Variants in TMX3 observed in about 807,000 individuals in gnomAD.
The protein encoded by TMX3 is thioredoxin related transmembrane protein 3, also known as protein disulfide-isomerase TMX3.
Under a neutral mutation model 64.4 loss-of-function variants are expected in TMX3, and 40 were observed. The observed-to-expected ratio is 0.62, with a 90% CI of 0.48 to 0.81. The LOEUF is 0.81. Among genes scored for constraint, TMX3 ranks in the 30% least tolerant of loss-of-function variants. TMX3 has a pLI of 0.00. For missense variants in TMX3, 497 were observed against 534.5 expected, an observed-to-expected ratio of 0.93 and a Z score of 0.69; for synonymous variants, 189 against 175.7, an observed-to-expected ratio of 1.08 and a Z score of -0.60.
intron 1 of TMX3, 62 bp from the exon 2 acceptor site, chr18:68,713,962 C>A: frequency 8.3e-7 from 1 of 1,203,986 alleles, no homozygotes. Context: ...ACCGTATAAG[C>A]TTAGTCATCT....
intron 10 of TMX3, chr18:68,687,317 G>C: frequency 9.1e-6 from 9 of 985,318 alleles, no homozygotes; most frequent in Non-Finnish European, 1.1e-5. Flanking sequence ...GTAAAAGCAG[G>C]CCTTATAAAT....
Position 68,673,805 on chromosome 18 carries a change from A to G in TMX3, c.*3128T>C, listed in dbSNP as rs1912712041. On this transcript the variant is annotated 3_prime_UTR_variant, in exon 16 of 16. Transcript: ENST00000299608. ...AGACTTTCAAAAACCTCTATAGATT[A>G]GTCCAAAGTAGAAAATTATTTTTTG... is the stretch of plus-strand genomic sequence containing the variant. 1 of 152,190 alleles carries G rather than the reference A, an allele frequency of 6.6e-6. No individual in the cohort carries two copies. The highest frequency in any genetic ancestry group is 2.1e-4 in the South Asian group (1 of 4,830). The allele number at this position is 152,190 out of a possible 1,614,324, so 9.4% of individuals were successfully genotyped here.
intron 2 of TMX3, among the ~76,000 whole-genome samples, chr18:68,712,818 C>T (rs79018663): frequency 6.6e-6 from 1 of 152,016 alleles, no homozygotes; most frequent in African/African-American, 2.4e-5. Flanking sequence ...GCATGAGCAG[C>T]GAAGTGCCCC....
intron 10 of TMX3, chr18:68,687,269 A>G (rs1914057086): frequency 3.0e-6 from 3 of 985,324 alleles, no homozygotes; most frequent in Non-Finnish European, 3.6e-6. Context: ...AACTTGAAGA[A>G]ACCATGCCAA....
At chr18:68,686,833 C>CATTAA in intron 10 of TMX3, 2 of 985,180 alleles carry the variant, frequency 2.0e-6, no homozygotes, top group Non-Finnish European at 2.4e-6. Context: ...AGACACAGAA[C>CATTAA]ATTAAAAGCA....
intron 8 of TMX3, 91 bp from the exon 9 acceptor site, chr18:68,691,452 TCAAA>T: frequency 2.7e-6 from 2 of 744,048 alleles, no homozygotes; most frequent in East Asian, 5.8e-5. Context: ...ACCAGAAAAC[TCAAA>T]CACACATAAA....
At chr18:68,684,340 GA>G in intron 11 of TMX3, 87 bp downstream of exon 11, 1 of 1,499,150 alleles carries the variant, frequency 6.7e-7, no homozygotes. Flanking sequence ...ATTGCTGCAG[GA>G]AAAGTAAGAT....
intron 2 of TMX3, among the ~76,000 whole-genome samples, 181 bp from the exon 3 acceptor site, chr18:68,711,584 G>T (rs947754013): frequency 3.9e-5 from 6 of 151,998 alleles, no homozygotes; most frequent in Admixed American, 3.3e-4. Flanking sequence ...TAAAAGCAGA[G>T]GACTGATCAA....
Position 68,710,081 on chromosome 18 carries a change from C to G in TMX3, c.205G>C (p.Glu69Gln). ...ACTGGAGAACCAATGCTTTTCATCT[C>G]AAGACCAACTTCATTCCAAATTGGT... ...LEPIWNEVGL[E>Q]MKSIGSPVKV... The change falls in exon 4 of 16, where the codon GAG (glutamate) becomes CAG (glutamine). Residue 69 changes from glutamate to glutamine, a missense_variant. Physicochemically the swap from Glu to Gln is conservative, Grantham distance 29. This residue lies in a region of TMX3 where 360 missense variants were observed against 383.5 expected (regional missense o/e 0.94). Coordinates refer to ENST00000299608, the MANE Select transcript of TMX3 (RefSeq NM_019022.5). The G allele has an allele frequency of 1.2e-6, 2 of 1,605,074 alleles. No individual in the cohort carries two copies. The highest frequency in any genetic ancestry group is 1.7e-6 in the Non-Finnish European group (2 of 1,175,986).
chr18:68,714,562 C>T (rs958410652), intron 1 of TMX3: 3 of 316,840 alleles, frequency 9.5e-6, no homozygotes, highest in African/African-American at 4.5e-5. Context: ...AATCCTTAAA[C>T]GTGACAAGAC....
chr18:68,691,452 T>C (rs1914515565), intron 8 of TMX3, 91 bp from the exon 9 acceptor site: 1 of 743,930 alleles, frequency 1.3e-6, no homozygotes. Flanking sequence ...ACCAGAAAAC[T>C]CAAACACACA....
chr18:68,689,509 G>A (rs553819034), intron 9 of TMX3, among the ~76,000 whole-genome samples: 19 of 131,932 alleles, frequency 1.4e-4, no homozygotes, highest in African/African-American at 6.5e-4. Context: ...TTATTTTATC[G>A]TGGAAAAAAA....
chr18:68,715,108 T>G lies in TMX3; in HGVS notation c.-127A>C, dbSNP rs554101218. The G allele has an allele frequency of 1.3e-6, 2 of 1,502,756 alleles. No homozygotes were observed. The highest frequency in any genetic ancestry group is 2.8e-5 in the African/African-American group (2 of 70,426). The allele number at this position is 1,502,756 out of a possible 1,614,324, so 93.1% of individuals were successfully genotyped here. A position where few individuals can be genotyped will look rare whatever the true frequency, so the allele number is the denominator to read the frequency against. On this transcript the variant is annotated 5_prime_UTR_variant, in exon 1 of 16. Transcript: ENST00000299608. ...AGCGGAAGAGAAGCACCGCGCTAAC[T>G]ACGGGGGCGGGGCTACCCGGCCAGT...
chr18:68,699,021 CA>C (rs986705714), intron 6 of TMX3, among the ~76,000 whole-genome samples: 48 of 91,942 alleles, frequency 5.2e-4, no homozygotes, highest in Non-Finnish European at 5.4e-4. Flanking sequence ...GACTCCGCCT[CA>C]AAAAAAAAAA....
chr18:68,711,202 T>C (rs1599347967), intron 3 of TMX3, among the ~76,000 whole-genome samples, 162 bp downstream of exon 3: 1 of 152,170 alleles, frequency 6.6e-6, no homozygotes, highest in Non-Finnish European at 1.5e-5. Context: ...ACTCTAAGGT[T>C]CTTTTTAATG....
chr18:68,688,412 T>G, intron 9 of TMX3: 1 of 152,322 alleles, frequency 6.6e-6, no homozygotes, highest in South Asian at 2.1e-4. Context: ...GCTAAGCAGA[T>G]AGAAAATATA....
intron 7 of TMX3, 189 bp downstream of exon 7, chr18:68,697,741 TTC>T: frequency 1.9e-6 from 1 of 526,302 alleles, no homozygotes; most frequent in Non-Finnish European, 3.3e-6. Context: ...TTTTACACAC[TTC>T]TGTTTCATAT....
At chr18:68,681,425 CTT>C in intron 13 of TMX3, 1 of 970,572 alleles carries the variant, frequency 1.0e-6, no homozygotes, top group Non-Finnish European at 1.2e-6. Flanking sequence ...ACAATTCAAA[CTT>C]ATGTTGTTCA....
chr18:68,702,071 A>C, intron 4 of TMX3, among the ~76,000 whole-genome samples: 1 of 150,316 alleles, frequency 6.7e-6, no homozygotes, highest in Admixed American at 6.6e-5. Context: ...TACTTATTTT[A>C]AAAGATATAC....
Sources: allele counts gnomAD v4.1 joint callset (sites outside exome capture counted in the v4.1 genomes callset), GRCh38; gene constraint gnomAD v4.1.1; regional missense constraint gnomAD v4.1.1; transcripts MANE v1.5; gene names NCBI Gene and HGNC (gene_info 2026-07-23, HGNC 2026-07-21).